The following DCHS2 variants were observed in gnomAD, a reference collection of about 807,000 sequenced individuals.
DCHS2 encodes the protein dachsous cadherin-related 2.
DCHS2 carries 142 observed loss-of-function variants against 182.4 expected under a neutral mutation model. The observed-to-expected ratio is 0.78, with a 90% CI of 0.68 to 0.89. DCHS2 has a LOEUF of 0.89. DCHS2 is among the 40% of genes least tolerant of loss of function. DCHS2 has a pLI of 0.00. For missense variants in DCHS2, 4,319 were observed against 4,198.6 expected (o/e 1.03, Z -0.79); for synonymous variants, 1,740 against 1,663.3 (o/e 1.05, Z -1.12).
rs548734507 is a variant in DCHS2, at chr4:154,377,295, C to T, written c.2202G>A (p.Arg734=). The change falls in exon 2 of 20, where the codon AGG becomes AGA. Residue 734 remains arginine (R), a synonymous_variant. Transcript: ENST00000357232. ...CCAGGAGATCATAGGTAGCTGGATCCCTTTCCCTGTCGATATCTTGAGAAA... is the reference window on the plus strand; with the variant it reads ...CCAGGAGATCATAGGTAGCTGGATCTCTTTCCCTGTCGATATCTTGAGAAA... The part of the protein sequence containing the change: ...ICVSQDIDRE[R]DPATYDLLVE... 1.0e-4 allele frequency: 163 copies of T among 1,613,596 alleles called. 1 individual carries two copies. In the South Asian group the frequency reaches 1.6e-3, roughly 16 times the overall value.
At position 154,235,149 on chromosome 4, in the gene DCHS2, T is replaced by A. The variant is rs531958470; in HGVS notation, c.9503A>T (p.Asp3168Val). Residue 3168 changes from aspartate to valine, a missense_variant, in exon 20 of 20, where the codon GAT (aspartate) becomes GTT (valine). Transcript: ENST00000357232. ...AEASQTFGEG[D>V]QGEGCSTTCA... ...GGTGGTGCTGCAGCCTTCCCCTTGA[T>A]CTCCTTCCCCAAATGTTTGGCTGGC... The A allele has an allele frequency of 1.2e-6, 2 of 1,614,020 alleles. No individual in the cohort carries two copies. Among genetic ancestry groups the A allele is most frequent in the East Asian group, 4.5e-5 (2 of 44,834 alleles).
At chr4:154,372,220 C>T (rs187604038) in intron 2 of DCHS2, among the ~76,000 whole-genome samples, 24 of 152,138 alleles carry the variant, frequency 1.6e-4, no homozygotes, top group Middle Eastern at 3.4e-3. Context: ...ACTGCTCATT[C>T]CTAGAACAGG....
chr4:154,473,081 C>T (rs542554147), intron 1 of DCHS2, among the ~76,000 whole-genome samples: 158 of 152,296 alleles, frequency 1.0e-3, no homozygotes, highest in African/African-American at 3.6e-3. Context: ...CAGCACCTCC[C>T]TGAGCCTACA....
Position 154,298,079 on chromosome 4 carries a change from C to A in DCHS2, c.6235G>T (p.Glu2079Ter). 6.2e-7 allele frequency: 1 copy of A among 1,614,102 alleles called. No homozygotes were observed. Among genetic ancestry groups the A allele is most frequent in the South Asian group, 1.1e-5 (1 of 91,080 alleles). The change falls in exon 13 of 20, where the codon GAG (glutamate) becomes TAG (stop). Residue 2079 changes from glutamate (E) to a stop codon, truncating the protein, a stop_gained. Transcript: ENST00000357232. LOFTEE classifies it high-confidence loss of function. Reference sequence around the variant, plus strand: ...TCAATAGAAAACATTGACTGGGTCTCTGCAAAACTAAAAACCACAGTTCCA... The same window carrying A: ...TCAATAGAAAACATTGACTGGGTCTATGCAAAACTAAAAACCACAGTTCCA... ...PNGTVVFSFA[E>*]TQSMFSIDKY...
At chr4:154,400,230 G>A (rs1287659182) in intron 1 of DCHS2, among the ~76,000 whole-genome samples, 2 of 144,256 alleles carry the variant, frequency 1.4e-5, no homozygotes, top group African/African-American at 5.0e-5. Context: ...GTGAACCCGG[G>A]AGGCGGAGCC....
At chr4:154,356,661 G>T (rs1729886460) in intron 3 of DCHS2, among the ~76,000 whole-genome samples, 1 of 152,090 alleles carries the variant, frequency 6.6e-6, no homozygotes, top group Non-Finnish European at 1.5e-5. Context: ...TGAAACAGTT[G>T]CCTATAGTAG....
intron 10 of DCHS2, among the ~76,000 whole-genome samples, chr4:154,313,997 A>C (rs1276984462): frequency 6.6e-6 from 1 of 152,190 alleles, no homozygotes; most frequent in African/African-American, 2.4e-5. Context: ...AATCAGAAGA[A>C]TATATTTATG....
chr4:154,237,292 A>G, intron 19 of DCHS2, 133 bp from the exon 20 acceptor site: 1 of 1,167,770 alleles, frequency 8.6e-7, no homozygotes. Flanking sequence ...ACAATGAACA[A>G]TGACTCCAAA....
At chr4:154,369,961 G>T (rs1334020267) in intron 2 of DCHS2, among the ~76,000 whole-genome samples, 1 of 152,186 alleles carries the variant, frequency 6.6e-6, no homozygotes, top group Non-Finnish European at 1.5e-5. Flanking sequence ...GTAATTGTCT[G>T]CTTTCCATTC....
intron 1 of DCHS2, among the ~76,000 whole-genome samples, chr4:154,475,630 C>T (rs1295116870): frequency 3.9e-5 from 6 of 152,172 alleles, no homozygotes; most frequent in Non-Finnish European, 7.4e-5. Context: ...GCAGAGGACT[C>T]ACATGCTATT....
intron 13 of DCHS2, among the ~76,000 whole-genome samples, chr4:154,289,677 T>A (rs1020754634): frequency 2.0e-5 from 3 of 151,898 alleles, no homozygotes; most frequent in Non-Finnish European, 4.4e-5. Context: ...AACACTGATG[T>A]AAAAATCCTC....
intron 7 of DCHS2, among the ~76,000 whole-genome samples, chr4:154,327,764 A>G (rs1268393049): frequency 6.6e-6 from 1 of 152,156 alleles, no homozygotes; most frequent in Non-Finnish European, 1.5e-5. Flanking sequence ...ACTTAATACC[A>G]ATTCTTATCC....
intron 3 of DCHS2, among the ~76,000 whole-genome samples, chr4:154,338,576 T>G (rs1402805545): frequency 6.6e-6 from 1 of 152,226 alleles, no homozygotes; most frequent in Non-Finnish European, 1.5e-5. Context: ...TATCAAAATT[T>G]TAATTGTTCA....
At chr4:154,284,642 C>T (rs1734304959) in intron 13 of DCHS2, 1 of 152,278 alleles carries the variant, frequency 6.6e-6, no homozygotes, top group African/African-American at 2.4e-5. Context: ...GCTGTCCTGT[C>T]ACAGCACAAA....
intron 1 of DCHS2, among the ~76,000 whole-genome samples, chr4:154,392,606 A>G (rs1042465299): frequency 3.3e-5 from 5 of 152,152 alleles, no homozygotes; most frequent in Non-Finnish European, 7.3e-5. Flanking sequence ...AGGTTTGGAA[A>G]CCTATTCTCA....
chr4:154,299,742 A>G (rs1735123270), intron 12 of DCHS2, among the ~76,000 whole-genome samples: 1 of 152,188 alleles, frequency 6.6e-6, no homozygotes, highest in Non-Finnish European at 1.5e-5. Flanking sequence ...CAAACATTTG[A>G]TGAGCATCTA....
intron 1 of DCHS2, 60 bp from the exon 2 acceptor site, chr4:154,377,504 T>C: frequency 7.2e-7 from 1 of 1,393,442 alleles, no homozygotes; most frequent in Non-Finnish European, 9.9e-7. Flanking sequence ...TTTCAGTCAG[T>C]CATGAATTAT....
chr4:154,431,543 T>TA (rs529034562), intron 1 of DCHS2, among the ~76,000 whole-genome samples: 16 of 152,224 alleles, frequency 1.1e-4, no homozygotes, highest in Non-Finnish European at 2.1e-4. Context: ...CCTGAGTTTT[T>TA]ATGTTAATCT....
rs1732881422 is a variant in DCHS2, at chr4:154,417,198, T to TGAGA, written c.2053-39755_2053-39754insTCTC. ...GTGTGTGTGTGTGTGTGTGTGTGTG[T>TGAGA]GTGTGTGAGAGAGAGAGAGAGAGAG... On this transcript the variant is annotated intron_variant, in intron 1 of 19. Transcript: ENST00000357232. Among the ~76,000 whole-genome samples, 54 of 65,306 alleles carry TGAGA rather than the reference T, an allele frequency of 8.3e-4. 1 individual carries two copies. Among genetic ancestry groups the TGAGA allele is most frequent in the South Asian group, 2.0e-3 (3 of 1,492 alleles). The allele number at this position is 65,306 out of a possible 152,430, so 42.8% of individuals were successfully genotyped here.
Sources: allele counts gnomAD v4.1 joint callset (sites outside exome capture counted in the v4.1 genomes callset), GRCh38; gene constraint gnomAD v4.1.1; transcripts MANE v1.5; gene names NCBI Gene and HGNC (gene_info 2026-07-23, HGNC 2026-07-21).